Variants in MECOM observed in about 807,000 individuals in gnomAD.
MECOM encodes the protein MDS1 and EVI1 complex locus.
In MECOM, 13 loss-of-function variants were observed where a neutral mutation model predicts 116.3. The observed-to-expected ratio is 0.11, with a 90% confidence interval of 0.07 to 0.18. The LOEUF is 0.18. MECOM is among the 10% of genes least tolerant of loss of function. The probability of loss-of-function intolerance (pLI) is 1.00; values close to 1 mark genes in which losing one functional copy is unlikely to be tolerated. For missense variants in MECOM, 1,299 were observed against 1,509.0 expected, an observed-to-expected ratio of 0.86 and a Z score of 2.31; for synonymous variants, 528 against 535.2, an observed-to-expected ratio of 0.99 and a Z score of 0.19.
At chr3:169,500,374 A>G (rs147780824) in intron 1 of MECOM, among the ~76,000 whole-genome samples, 5 of 152,124 alleles carry the variant, frequency 3.3e-5, no homozygotes, top group African/African-American at 4.8e-5. Flanking sequence ...TCAATCATTA[A>G]TTGATTATTC....
chr3:169,536,843 T>A (rs1759427977), intron 1 of MECOM, among the ~76,000 whole-genome samples: 1 of 152,214 alleles, frequency 6.6e-6, no homozygotes, highest in African/African-American at 2.4e-5. Context: ...ACAGGAACTA[T>A]GTGCCTGTAA....
At chr3:169,520,218 G>A (rs1208284945) in intron 1 of MECOM, among the ~76,000 whole-genome samples, 1 of 152,358 alleles carries the variant, frequency 6.6e-6, no homozygotes, top group East Asian at 1.9e-4. Context: ...CAACATTGCT[G>A]AAGCCAAATG....
chr3:169,184,977 T>A (rs762690295), intron 2 of MECOM, among the ~76,000 whole-genome samples: 6 of 152,038 alleles, frequency 3.9e-5, no homozygotes, highest in Non-Finnish European at 7.4e-5. Context: ...GAAGGGAAGG[T>A]GGGCATCTAA....
At chr3:169,275,162 G>A (rs1337950282) in intron 2 of MECOM, among the ~76,000 whole-genome samples, 1 of 152,150 alleles carries the variant, frequency 6.6e-6, no homozygotes, top group African/African-American at 2.4e-5. Flanking sequence ...TACTTATATG[G>A]AGAAATGCTT....
At chr3:169,101,022 CCA>C in intron 11 of MECOM, 60 bp from the exon 12 acceptor site, 1 of 1,203,124 alleles carries the variant, frequency 8.3e-7, no homozygotes. Flanking sequence ...TTCACTCATG[CCA>C]CACAGCAGCC....
At chr3:169,280,239 A>G (rs747383876) in intron 2 of MECOM, among the ~76,000 whole-genome samples, 11 of 152,230 alleles carry the variant, frequency 7.2e-5, no homozygotes, top group Admixed American at 2.0e-4. Context: ...ACTGCTCTGC[A>G]ATTTCCATGC....
chr3:169,464,158 A>G (rs1039202648), intron 1 of MECOM: 3 of 152,100 alleles, frequency 2.0e-5, no homozygotes, highest in Non-Finnish European at 2.9e-5. Flanking sequence ...CTGAGACAAC[A>G]TTTGTGTGAG....
At chr3:169,414,898 C>G (rs1340352709) in intron 1 of MECOM, among the ~76,000 whole-genome samples, 1 of 152,074 alleles carries the variant, frequency 6.6e-6, no homozygotes, top group African/African-American at 2.4e-5. Context: ...AAGACCAAAC[C>G]TATGTTTGAT....
At chr3:169,344,793 T>A (rs1725075438) in intron 2 of MECOM, among the ~76,000 whole-genome samples, 1 of 152,164 alleles carries the variant, frequency 6.6e-6, no homozygotes, top group African/African-American at 2.4e-5. Context: ...TATGCAGATA[T>A]GGGGGCAACC....
chr3:169,096,897 C>T (rs796872176), intron 12 of MECOM, among the ~76,000 whole-genome samples: 5 of 152,078 alleles, frequency 3.3e-5, no homozygotes, highest in African/African-American at 1.2e-4. Context: ...TTCAACTTTC[C>T]TCACTTACGA....
intron 2 of MECOM, among the ~76,000 whole-genome samples, chr3:169,194,325 G>A (rs1274627613): frequency 1.3e-5 from 2 of 152,012 alleles, no homozygotes; most frequent in Non-Finnish European, 2.9e-5. Context: ...GGGGTGGGGG[G>A]AGTAGGGAAG....
chr3:169,519,849 C>A (rs934141260), intron 1 of MECOM, among the ~76,000 whole-genome samples: 2 of 152,246 alleles, frequency 1.3e-5, no homozygotes, highest in African/African-American at 4.8e-5. Context: ...TAGATAACCC[C>A]CCCTTGCCCA....
At chr3:169,133,889 C>T (rs1310277979) in intron 3 of MECOM, 19 of 1,280,270 alleles carry the variant, frequency 1.5e-5, no homozygotes, top group Admixed American at 2.3e-5. Flanking sequence ...AAACAATGGA[C>T]TTCTCTCAAC....
chr3:169,330,174 T>C (rs982860594), intron 2 of MECOM, among the ~76,000 whole-genome samples: 6 of 152,144 alleles, frequency 3.9e-5, no homozygotes, highest in Non-Finnish European at 7.4e-5. Context: ...TGCAGGTATC[T>C]GCCACCACGA....
chr3:169,112,983 G>C, intron 8 of MECOM, 109 bp from the exon 9 acceptor site: 1 of 751,872 alleles, frequency 1.3e-6, no homozygotes, highest in South Asian at 1.8e-5. Flanking sequence ...TAGGTTTCTG[G>C]GAAGCGCACT....
rs377233174 is a variant in MECOM at position 169,603,971 on chromosome 3, A to G, written c.37+59365T>C. ...GTCTGAAGAAGCTTTTTGGCACTCT[A>G]AGATCTTTGGCAGTTAGGAGCCCTG... On this transcript the variant is annotated intron_variant, in intron 1 of 16. Transcript: ENST00000651503. Among the ~76,000 whole-genome samples, 261 of 152,284 alleles carry G rather than the reference A, an allele frequency of 1.7e-3. 6 individuals are homozygous for G. In the South Asian group the frequency reaches 0.05, roughly 29 times the overall value.
Position 169,231,402 on chromosome 3 carries a change from G to T in MECOM, c.376-87570C>A, listed in dbSNP as rs148036647. ...CTTATATTCTGGCAGGACAAGAAGG[G>T]AGAGGCACATCATAACAAGTAAATG... is the stretch of plus-strand genomic sequence containing the variant. On this transcript the variant is annotated intron_variant, in intron 2 of 16. Coordinates refer to ENST00000651503, the MANE Select transcript of MECOM (RefSeq NM_004991.4). Among the ~76,000 whole-genome samples the T allele has an allele frequency of 4.0e-3, 609 of 152,234 alleles. 1 individual carries two copies. Among genetic ancestry groups the T allele is most frequent in the African/African-American group, 0.014 (569 of 41,558 alleles).
At chr3:169,291,347 T>C (rs1714516238) in intron 2 of MECOM, among the ~76,000 whole-genome samples, 1 of 152,218 alleles carries the variant, frequency 6.6e-6, no homozygotes, top group Non-Finnish European at 1.5e-5. Context: ...TTATAACTAA[T>C]TGTAACATGA....
At chr3:169,216,038 T>TC (rs1187101692) in intron 2 of MECOM, among the ~76,000 whole-genome samples, 2 of 152,236 alleles carry the variant, frequency 1.3e-5, no homozygotes, top group Non-Finnish European at 2.9e-5. Flanking sequence ...GCATATTTTT[T>TC]CATTATTTAG....
Sources: allele counts gnomAD v4.1 joint callset (sites outside exome capture counted in the v4.1 genomes callset), GRCh38; gene constraint gnomAD v4.1.1; transcripts MANE v1.5; gene names NCBI Gene and HGNC (gene_info 2026-07-23, HGNC 2026-07-21).